Variants in LHFPL2 observed in about 807,000 individuals in gnomAD.
LHFPL2 encodes the protein LHFPL tetraspan subfamily member 2.
Under a neutral mutation model 17.5 loss-of-function variants are expected in LHFPL2, and 7 were observed. That is an observed-to-expected ratio of 0.40 (90% CI 0.23 to 0.75). LHFPL2 has a LOEUF of 0.75. LHFPL2 is among the 30% of genes least tolerant of loss of function. The probability of loss-of-function intolerance (pLI) is 0.37; values close to 1 mark genes in which losing one functional copy is unlikely to be tolerated. For missense variants in LHFPL2, 241 were observed against 294.8 expected (o/e 0.82, Z 1.34); for synonymous variants, 134 against 116.2 (o/e 1.15, Z -0.99).
intron 2 of LHFPL2, among the ~76,000 whole-genome samples, chr5:78,618,778 A>C (rs1744719842): frequency 6.6e-6 from 1 of 152,202 alleles, no homozygotes; most frequent in African/African-American, 2.4e-5. Context: ...TACCGTATAT[A>C]AATTCAAACA....
Position 78,486,124 on chromosome 5 carries a change from CTA to C in LHFPL2, c.*2771_*2772del, listed in dbSNP as rs1047400540. On this transcript the variant is annotated 3_prime_UTR_variant, in exon 5 of 5. Transcript: ENST00000380345. ...TAAATATGCTACACATAAAAAAAGA[CTA>C]TGGCACTTTACAGAATATATGTTTA... is the stretch of plus-strand genomic sequence containing the variant. 3.3e-4 allele frequency: 50 copies of C among 152,646 alleles called. No homozygotes were observed. The highest frequency in any genetic ancestry group is 1.2e-3 in the South Asian group (6 of 4,824). The allele number at this position is 152,646 out of a possible 1,614,324, so 9.5% of individuals were successfully genotyped here. A position where few individuals can be genotyped will look rare whatever the true frequency, so the allele number is the denominator to read the frequency against.
chr5:78,571,969 A>C (rs1384563447), intron 2 of LHFPL2, among the ~76,000 whole-genome samples: 1 of 152,220 alleles, frequency 6.6e-6, no homozygotes, highest in African/African-American at 2.4e-5. Context: ...TGCCTGAGAA[A>C]TAACGCACTC....
chr5:78,568,003 T>C (rs1756903388), intron 2 of LHFPL2, among the ~76,000 whole-genome samples: 1 of 151,992 alleles, frequency 6.6e-6, no homozygotes, highest in Non-Finnish European at 1.5e-5. Context: ...AAAGAGTGTG[T>C]TTCCTCTAAT....
chr5:78,494,525 A>C, intron 4 of LHFPL2: 1 of 985,390 alleles, frequency 1.0e-6, no homozygotes, highest in Non-Finnish European at 1.2e-6. Flanking sequence ...ACATGATTCA[A>C]CCTTATCTGT....
chr5:78,632,968 A>T (rs2112515770), intron 1 of LHFPL2, among the ~76,000 whole-genome samples: 1 of 152,310 alleles, frequency 6.6e-6, no homozygotes, highest in South Asian at 2.1e-4. Context: ...AAGCAAGGAC[A>T]CAGTTCACAA....
chr5:78,489,185 A>C, intron 4 of LHFPL2, 32 bp from the exon 5 acceptor site: 2 of 1,611,898 alleles, frequency 1.2e-6, no homozygotes, highest in Non-Finnish European at 1.7e-6. Context: ...AGATTAGAAA[A>C]TCCCCATGGT....
chr5:78,530,130 T>C (rs1755738128), intron 3 of LHFPL2, among the ~76,000 whole-genome samples: 1 of 152,196 alleles, frequency 6.6e-6, no homozygotes, highest in Admixed American at 6.5e-5. Context: ...TTCCAATTCA[T>C]AGCTAAACAT....
intron 2 of LHFPL2, among the ~76,000 whole-genome samples, chr5:78,588,043 T>A (rs1580836594): frequency 6.6e-6 from 1 of 152,242 alleles, no homozygotes; most frequent in Non-Finnish European, 1.5e-5. Flanking sequence ...AATAGATGCA[T>A]TGGTACTTTT....
chr5:78,528,515 T>C (rs1351281757), intron 3 of LHFPL2, among the ~76,000 whole-genome samples: 2 of 152,216 alleles, frequency 1.3e-5, no homozygotes, highest in Non-Finnish European at 2.9e-5. Context: ...ATAGAAAAAT[T>C]GTCTTCCACG....
chr5:78,636,787 A>T (rs896865535), intron 1 of LHFPL2, among the ~76,000 whole-genome samples: 1 of 152,202 alleles, frequency 6.6e-6, no homozygotes, highest in Non-Finnish European at 1.5e-5. Context: ...CTTCCTAAAA[A>T]TAAAGGCTTC....
chr5:78,621,306 T>C (rs1744846318), intron 2 of LHFPL2, among the ~76,000 whole-genome samples: 1 of 152,138 alleles, frequency 6.6e-6, no homozygotes, highest in South Asian at 2.1e-4. Flanking sequence ...CTTTCAGTGC[T>C]GTCGTCTGGC....
intron 3 of LHFPL2, among the ~76,000 whole-genome samples, chr5:78,515,391 T>C (rs969040206): frequency 9.9e-5 from 15 of 152,206 alleles, no homozygotes; most frequent in African/African-American, 3.1e-4. Context: ...TTGTTCTCTA[T>C]CCTCTATTTC....
At chr5:78,563,497 A>C (rs1756783731) in intron 3 of LHFPL2, among the ~76,000 whole-genome samples, 1 of 152,048 alleles carries the variant, frequency 6.6e-6, no homozygotes, top group Non-Finnish European at 1.5e-5. Flanking sequence ...GGAGTTCAAG[A>C]CCAGCCTGGC....
chr5:78,514,487 C>A (rs1158995448), intron 3 of LHFPL2, among the ~76,000 whole-genome samples: 2 of 152,030 alleles, frequency 1.3e-5, no homozygotes, highest in Non-Finnish European at 2.9e-5. Flanking sequence ...TTCCCAGAGC[C>A]CTAATTTGAA....
chr5:78,508,211 A>T (rs1361062448), intron 4 of LHFPL2, among the ~76,000 whole-genome samples: 1 of 152,178 alleles, frequency 6.6e-6, no homozygotes, highest in Non-Finnish European at 1.5e-5. Flanking sequence ...CCTATTTTTC[A>T]GAAGGAGAAC....
At chr5:78,516,804 C>G (rs1316377805) in intron 3 of LHFPL2, among the ~76,000 whole-genome samples, 1 of 152,202 alleles carries the variant, frequency 6.6e-6, no homozygotes, top group Non-Finnish European at 1.5e-5. Flanking sequence ...TGACTCAGAA[C>G]CTTGTGCCCT....
intron 2 of LHFPL2, among the ~76,000 whole-genome samples, chr5:78,599,340 C>T (rs1340329291): frequency 1.3e-5 from 2 of 152,084 alleles, no homozygotes; most frequent in Non-Finnish European, 2.9e-5. Flanking sequence ...GCTCTTGTTG[C>T]CCAGGCTGGA....
At chr5:78,530,088 G>A (rs559642960) in intron 3 of LHFPL2, among the ~76,000 whole-genome samples, 1 of 152,216 alleles carries the variant, frequency 6.6e-6, no homozygotes, top group African/African-American at 2.4e-5. Context: ...GATCCATCAG[G>A]CACATTATTT....
In LHFPL2 at chr5:78,648,359, C is replaced by T. The variant is rs1745964613; in HGVS notation, c.-350+140G>A. On this transcript the variant is annotated intron_variant, in intron 1 of 4. Transcript: ENST00000380345. The surrounding 1 kb of genome is among the most constrained non-coding windows in gnomAD (Gnocchi z 5.4). ...TCTCCCAGGGCGCCGAAGCGAAGTT[C>T]CCGCGCCAGCCGCGGCTCAAGCAGC... 6.6e-6 allele frequency: 1 copy of T among 152,022 alleles called. No individual in the cohort carries two copies. The highest frequency in any genetic ancestry group is 6.6e-5 in the Admixed American group (1 of 15,266). 9.4% of individuals were successfully genotyped at this position (152,022 alleles called of 1,614,324 possible).
Sources: gnomAD v4.1 joint callset for allele counts (sites outside exome capture counted in the v4.1 genomes callset) on GRCh38, gnomAD v4.1.1 for gene constraint, Gnocchi (gnomAD v3.1) non-coding constraint, MANE v1.5 for transcripts, NCBI Gene and HGNC (gene_info 2026-07-23, HGNC 2026-07-21) for gene names.